LINGO2: variants seen among roughly 807,000 people sequenced by gnomAD.
The protein encoded by LINGO2 is leucine rich repeat and Ig domain containing 2.
Under a neutral mutation model 30.6 loss-of-function variants are expected in LINGO2, and 14 were observed. That is an observed-to-expected ratio of 0.46 (90% CI 0.30 to 0.72). The LOEUF is 0.72. Ranked by LOEUF, LINGO2 falls within the 30% of genes least tolerant of loss-of-function variation. The pLI is 0.07. For missense variants in LINGO2, 729 were observed against 751.7 expected, an observed-to-expected ratio of 0.97 and a Z score of 0.35; for synonymous variants, 317 against 288.5, an observed-to-expected ratio of 1.10 and a Z score of -1.00.
chr9:28,287,502 T>C (rs1438375045), intron 4 of LINGO2, among the ~76,000 whole-genome samples: 1 of 152,214 alleles, frequency 6.6e-6, no homozygotes, highest in Non-Finnish European at 1.5e-5. Context: ...ACATGATACA[T>C]TCAGCAGAAT....
the LINGO2 span, among the ~76,000 whole-genome samples, chr9:29,091,407 A>AG: frequency 8.0e-6 from 1 of 125,526 alleles, no homozygotes; most frequent in Non-Finnish European, 1.7e-5. Context: ...TTTCAAAAAA[A>AG]ATTTTTTTGC....
At chr9:28,760,252 G>A in the LINGO2 span, among the ~76,000 whole-genome samples, 1 of 151,956 alleles carries the variant, frequency 6.6e-6, no homozygotes, top group Non-Finnish European at 1.5e-5. Flanking sequence ...GTAATAATTA[G>A]TAAGTATAAA....
At chr9:28,065,831 C>T (rs2133148531) in intron 4 of LINGO2, among the ~76,000 whole-genome samples, 1 of 152,132 alleles carries the variant, frequency 6.6e-6, no homozygotes, top group Non-Finnish European at 1.5e-5. Context: ...ATGATGGTGG[C>T]ATTGGTGATA....
At chr9:28,210,962 A>G (rs909889653) in intron 4 of LINGO2, among the ~76,000 whole-genome samples, 3 of 151,508 alleles carry the variant, frequency 2.0e-5, no homozygotes, top group African/African-American at 7.3e-5. Context: ...ATTCTAAATG[A>G]TGGTTCTATT....
chr9:28,199,400 G>C (rs943356523), intron 4 of LINGO2, among the ~76,000 whole-genome samples: 1 of 144,762 alleles, frequency 6.9e-6, no homozygotes, highest in Admixed American at 7.0e-5. Context: ...GTGCAGTGGC[G>C]CGATCTTGGC....
intron 1 of LINGO2, among the ~76,000 whole-genome samples, chr9:28,517,839 TTC>T (rs1464609824): frequency 2.0e-5 from 3 of 152,084 alleles, no homozygotes; most frequent in Non-Finnish European, 4.4e-5. Context: ...ACAATGAAAA[TTC>T]AAACACAATA....
chr9:28,196,938 G>A (rs1182731394), intron 4 of LINGO2, among the ~76,000 whole-genome samples: 3 of 151,916 alleles, frequency 2.0e-5, no homozygotes, highest in African/African-American at 7.2e-5. Flanking sequence ...GATGATTAAT[G>A]GGTACAAAAC....
chr9:28,588,371 T>G (rs1824675352), intron 1 of LINGO2, among the ~76,000 whole-genome samples: 1 of 152,004 alleles, frequency 6.6e-6, no homozygotes, highest in Non-Finnish European at 1.5e-5. Context: ...AGGGGCATCA[T>G]TCACACATTT....
At chr9:28,598,435 CAAAA>C (rs1825304018) in intron 1 of LINGO2, among the ~76,000 whole-genome samples, 4 of 108,476 alleles carry the variant, frequency 3.7e-5, no homozygotes, top group Non-Finnish European at 8.7e-5. Context: ...AAAAAAAAAA[CAAAA>C]CAAACAAACA....
chr9:29,110,773 C>T, the LINGO2 span, among the ~76,000 whole-genome samples: 2 of 152,132 alleles, frequency 1.3e-5, no homozygotes, highest in South Asian at 4.2e-4. Context: ...TCACTGCAAG[C>T]TCCGCCTCCC....
intron 4 of LINGO2, among the ~76,000 whole-genome samples, chr9:28,280,714 A>AT (rs1823291213): frequency 6.6e-6 from 1 of 152,138 alleles, no homozygotes; most frequent in African/African-American, 2.4e-5. Context: ...GTAAGTACTC[A>AT]TGGTACTGTT....
At chr9:28,468,169 G>A (rs187601557) in intron 2 of LINGO2, among the ~76,000 whole-genome samples, 5 of 152,140 alleles carry the variant, frequency 3.3e-5, no homozygotes, top group Non-Finnish European at 7.4e-5. Context: ...TCAAGAAAAA[G>A]CCACATTAAA....
chr9:28,650,954 G>T (rs955139130), intron 1 of LINGO2, among the ~76,000 whole-genome samples: 1 of 152,130 alleles, frequency 6.6e-6, no homozygotes, highest in Admixed American at 6.5e-5. Flanking sequence ...ACTTTGGGAG[G>T]CTGAGGTGGG....
chr9:28,491,757 G>A (rs1444507385), intron 1 of LINGO2, among the ~76,000 whole-genome samples: 1 of 152,032 alleles, frequency 6.6e-6, no homozygotes, highest in Non-Finnish European at 1.5e-5. Flanking sequence ...GAGTATTTAG[G>A]CAGTTTATAA....
chr9:28,283,981 T>A (rs1028643808), intron 4 of LINGO2, among the ~76,000 whole-genome samples: 1 of 152,322 alleles, frequency 6.6e-6, no homozygotes, highest in East Asian at 1.9e-4. Context: ...TATAATACAA[T>A]GTTCCATTTG....
intron 1 of LINGO2, among the ~76,000 whole-genome samples, chr9:28,493,899 G>T (rs551580359): frequency 6.6e-6 from 1 of 152,208 alleles, no homozygotes; most frequent in African/African-American, 2.4e-5. Context: ...TCGAACATTG[G>T]ACTCCAAGTT....
chr9:28,171,378 C>T (rs558814889), intron 4 of LINGO2, among the ~76,000 whole-genome samples: 2 of 152,278 alleles, frequency 1.3e-5, no homozygotes, highest in East Asian at 3.9e-4. Context: ...GCAACCAGAA[C>T]AGTTTTAATT....
At chr9:29,116,555 TGGTG>T in the LINGO2 span, among the ~76,000 whole-genome samples, 1 of 152,114 alleles carries the variant, frequency 6.6e-6, no homozygotes, top group Non-Finnish European at 1.5e-5. Context: ...TACTTTAAAA[TGGTG>T]ATCACATTAA....
At chr9:28,455,833 G>A (rs1239097101) in intron 2 of LINGO2, among the ~76,000 whole-genome samples, 3 of 151,954 alleles carry the variant, frequency 2.0e-5, no homozygotes, top group East Asian at 1.9e-4. Flanking sequence ...CTGAAAGTAC[G>A]AACCATTTGG....
Sources: gnomAD v4.1 joint callset for allele counts (sites outside exome capture counted in the v4.1 genomes callset) on GRCh38, gnomAD v4.1.1 for gene constraint, MANE v1.5 for transcripts, NCBI Gene and HGNC (gene_info 2026-07-23, HGNC 2026-07-21) for gene names.